TMEM132D: variants seen among roughly 807,000 people sequenced by gnomAD.
The protein encoded by TMEM132D is mature OL transmembrane protein.
A neutral mutation model predicts 62.3 loss-of-function variants in TMEM132D; 21 were observed. The observed-to-expected ratio is 0.34, with a 90% CI of 0.24 to 0.49. TMEM132D has a LOEUF of 0.49. Among genes scored for constraint, TMEM132D ranks in the 20% least tolerant of loss-of-function variants. The pLI is 0.99. For missense variants in TMEM132D, 1,346 were observed against 1,402.8 expected (o/e 0.96, Z 0.65); for synonymous variants, 621 against 575.6 (o/e 1.08, Z -1.13).
At chr12:129,353,535 A>G (rs10744412) in intron 3 of TMEM132D, among the ~76,000 whole-genome samples, 149,782 of 152,168 alleles carry the variant, frequency 0.98, 73,752 homozygotes, top group Middle Eastern at 1. Context: ...ATCAGGGTGA[A>G]CAGGGCTTGA....
At chr12:129,741,100 C>T (rs1267964103) in intron 1 of TMEM132D, among the ~76,000 whole-genome samples, 1 of 152,202 alleles carries the variant, frequency 6.6e-6, no homozygotes, top group Non-Finnish European at 1.5e-5. Context: ...CCCCATGTGG[C>T]ATGGCACAAA....
intron 2 of TMEM132D, among the ~76,000 whole-genome samples, chr12:129,624,270 CA>C (rs1227835465): frequency 4.3e-4 from 66 of 152,296 alleles, no homozygotes; most frequent in African/African-American, 1.4e-3. Context: ...GAGTCCAATG[CA>C]AAAGCTTCTC....
chr12:129,623,168 T>C (rs765327215), intron 2 of TMEM132D, among the ~76,000 whole-genome samples: 4 of 152,226 alleles, frequency 2.6e-5, no homozygotes, highest in Non-Finnish European at 5.9e-5. Context: ...CCAGTCGGAT[T>C]TGAGTTTTCT....
chr12:129,814,206 A>G (rs1302017558), intron 1 of TMEM132D, among the ~76,000 whole-genome samples: 2 of 152,188 alleles, frequency 1.3e-5, no homozygotes, highest in Non-Finnish European at 2.9e-5. Flanking sequence ...AGAGGCCAGG[A>G]AGGGGTGAGA....
chr12:129,652,204 A>G (rs1879947437), intron 2 of TMEM132D, among the ~76,000 whole-genome samples: 1 of 152,240 alleles, frequency 6.6e-6, no homozygotes, highest in Admixed American at 6.5e-5. Flanking sequence ...TCCAACGTAG[A>G]AGAACGGTAT....
chr12:129,559,845 G>A (rs550381980), intron 2 of TMEM132D, among the ~76,000 whole-genome samples: 4 of 152,174 alleles, frequency 2.6e-5, no homozygotes, highest in African/African-American at 7.2e-5. Context: ...GCTTTCTGTC[G>A]TGTGAATCTA....
intron 3 of TMEM132D, among the ~76,000 whole-genome samples, chr12:129,508,426 A>T (rs1247968337): frequency 6.6e-6 from 1 of 152,172 alleles, no homozygotes; most frequent in Non-Finnish European, 1.5e-5. Context: ...AGTATAAAGA[A>T]AGCAGACAAT....
chr12:129,332,955 A>C (rs574686854), intron 4 of TMEM132D, among the ~76,000 whole-genome samples: 1 of 152,244 alleles, frequency 6.6e-6, no homozygotes, highest in African/African-American at 2.4e-5. Flanking sequence ...ACAATGAGAA[A>C]ATACTTAACA....
chr12:129,482,284 G>A (rs981579049), intron 3 of TMEM132D, among the ~76,000 whole-genome samples: 4 of 152,170 alleles, frequency 2.6e-5, no homozygotes, highest in Non-Finnish European at 4.4e-5. Flanking sequence ...GTTGAGGAAC[G>A]GTTGAATTAA....
chr12:129,597,780 C>T (rs1053850249), intron 2 of TMEM132D, among the ~76,000 whole-genome samples: 1 of 152,136 alleles, frequency 6.6e-6, no homozygotes, highest in Admixed American at 6.5e-5. Flanking sequence ...TCATCAAATG[C>T]CCCAAAGGTA....
chr12:129,843,675 C>T (rs769759858), intron 1 of TMEM132D, among the ~76,000 whole-genome samples: 14 of 152,154 alleles, frequency 9.2e-5, no homozygotes, highest in Non-Finnish European at 1.9e-4. Context: ...AAATACATCA[C>T]ATTTGTAACA....
At chr12:129,552,442 C>T (rs1382135214) in intron 2 of TMEM132D, among the ~76,000 whole-genome samples, 1 of 152,088 alleles carries the variant, frequency 6.6e-6, no homozygotes, top group African/African-American at 2.4e-5. Context: ...TATCCATCTA[C>T]CTACCTACCT....
chr12:129,726,968 C>T (rs1284749448), intron 1 of TMEM132D, among the ~76,000 whole-genome samples: 1 of 152,156 alleles, frequency 6.6e-6, no homozygotes, highest in Non-Finnish European at 1.5e-5. Flanking sequence ...ATACTAGTGC[C>T]TCCCCACCTC....
intron 5 of TMEM132D, among the ~76,000 whole-genome samples, chr12:129,143,950 G>A (rs981154190): frequency 2.0e-5 from 3 of 152,094 alleles, no homozygotes; most frequent in African/African-American, 7.2e-5. Flanking sequence ...ACTCCCAGAG[G>A]AAATTCCCTG....
intron 1 of TMEM132D, among the ~76,000 whole-genome samples, chr12:129,708,610 T>TAAAA (rs147351316): frequency 1.2e-4 from 4 of 33,120 alleles, no homozygotes; most frequent in African/African-American, 2.7e-4. Flanking sequence ...GAGGCTCAGG[T>TAAAA]AAAAAAAAAA....
At chr12:129,478,409 G>A (rs1289467693) in intron 3 of TMEM132D, among the ~76,000 whole-genome samples, 6 of 152,162 alleles carry the variant, frequency 3.9e-5, no homozygotes, top group Non-Finnish European at 7.4e-5. Context: ...ATAACCTTAC[G>A]GAACCACCAT....
At chr12:129,675,457 G>A (rs1880604548) in intron 2 of TMEM132D, among the ~76,000 whole-genome samples, 1 of 152,086 alleles carries the variant, frequency 6.6e-6, no homozygotes, top group African/African-American at 2.4e-5. Flanking sequence ...GGGTTGATGG[G>A]TGCAGCAAAC....
intron 2 of TMEM132D, among the ~76,000 whole-genome samples, chr12:129,600,481 A>C (rs1042780027): frequency 2.0e-5 from 3 of 152,198 alleles, no homozygotes; most frequent in Admixed American, 1.3e-4. Flanking sequence ...TCTTCATGGC[A>C]TCAAGAATGG....
At chr12:129,404,237 T>C (rs1871705622) in intron 3 of TMEM132D, among the ~76,000 whole-genome samples, 1 of 152,088 alleles carries the variant, frequency 6.6e-6, no homozygotes, top group Non-Finnish European at 1.5e-5. Flanking sequence ...CTTACTCTGT[T>C]GCCCAGGCTG....
Sources: allele counts gnomAD v4.1 joint callset (sites outside exome capture counted in the v4.1 genomes callset), GRCh38; gene constraint gnomAD v4.1.1; transcripts MANE v1.5; gene names NCBI Gene and HGNC (gene_info 2026-07-23, HGNC 2026-07-21).